The following WDR36 variants were observed in gnomAD, a reference collection of about 807,000 sequenced individuals.
WDR36 encodes the protein WD repeat-containing protein 36.
In WDR36, 63 loss-of-function variants were observed where a neutral mutation model predicts 112.7. The ratio of observed to expected loss-of-function variants is 0.56; its 90% CI spans 0.46 to 0.69. The LOEUF (loss-of-function observed/expected upper bound fraction) is 0.69. WDR36 is among the 30% of genes least tolerant of loss of function. The probability of loss-of-function intolerance (pLI) is 0.00; values close to 1 mark genes in which losing one functional copy is unlikely to be tolerated. For missense variants in WDR36, 1,226 were observed against 1,070.3 expected (o/e 1.15, Z -2.03); for synonymous variants, 410 against 362.2 (o/e 1.13, Z -1.50).
rs1286374402 is a variant in WDR36, at chr5:111,125,705, T to C, written c.2448T>C (p.Val816=). Residue 816 remains valine (V), a synonymous_variant, in exon 22 of 23, where the codon GTT becomes GTC. Coordinates refer to ENST00000513710, the MANE Select transcript of WDR36 (RefSeq NM_139281.3). The part of the protein sequence containing the change: ...LSPDCGGSIE[V]MQSFLKMIGM... The stretch of plus-strand genomic sequence containing the variant: ...CTGATTGTGGTGGGTCCATAGAAGT[T>C]ATGCAGAGCTTCTTGAAAATGATTG... 1 of 1,613,910 alleles carries C rather than the reference T, an allele frequency of 6.2e-7. No homozygotes were observed. The highest frequency in any genetic ancestry group is 2.2e-5 in the East Asian group (1 of 44,848).
At chr5:111,111,534 A>ATTTTTCTTATACTACCTTATGAAATATTT in intron 15 of WDR36, 2 of 404,874 alleles carry the variant, frequency 4.9e-6, no homozygotes, top group Non-Finnish European at 9.2e-6. Context: ...AGTATACTTT[A>ATTTTTCTTATACTACCTTATGAAATATTT]GAGAATGAAT....
Position 111,127,005 on chromosome 5 carries a change from A to AGCATTTATTT in WDR36, c.*122_*123insGCATTTATTT. 1.1e-6 allele frequency: 1 copy of AGCATTTATTT among 908,046 alleles called. No homozygotes were observed. Among genetic ancestry groups the AGCATTTATTT allele is most frequent in the Non-Finnish European group, 1.6e-6 (1 of 615,236 alleles). 56.2% of individuals were successfully genotyped at this position (908,046 alleles called of 1,614,324 possible). ...GCTAGCACTACTGACTAGTCAGTAT[A>AGCATTTATTT]TCTCCACTTTAAATGCTAAATACTT... On this transcript the variant is annotated 3_prime_UTR_variant, in exon 23 of 23. Coordinates refer to ENST00000513710, the MANE Select transcript of WDR36 (RefSeq NM_139281.3).
chr5:111,121,949 G>A (rs1753575899), intron 19 of WDR36, among the ~76,000 whole-genome samples: 1 of 152,138 alleles, frequency 6.6e-6, no homozygotes, highest in Non-Finnish European at 1.5e-5. Context: ...GTGGTAAAAA[G>A]TTTAAGAAAC....
chr5:111,118,168 C>CCTTATG (rs1197122841), intron 16 of WDR36, among the ~76,000 whole-genome samples: 3 of 152,174 alleles, frequency 2.0e-5, no homozygotes, highest in African/African-American at 7.2e-5. Flanking sequence ...TTGTATGCAG[C>CCTTATG]CTTATGCTTA....
Position 111,125,625 on chromosome 5 carries a change from C to T in WDR36, c.2368C>T (p.Leu790Phe), listed in dbSNP as rs149592590. The change falls in exon 22 of 23, where the codon CTT becomes TTT. Residue 790 changes from leucine to phenylalanine, a missense_variant. Coordinates refer to ENST00000513710, the MANE Select transcript of WDR36 (RefSeq NM_139281.3). ...VNNKYDTALN[L>F]LKESGPSGIE... is the part of the protein sequence containing the mutation. ...TAATGCAGATGACACTGCTCTCAAC[C>T]TTCTGAAAGAATCAGGCCCATCAGG... The T allele has an allele frequency of 6.5e-5, 105 of 1,613,458 alleles. No homozygotes were observed. Among genetic ancestry groups the T allele is most frequent in the Non-Finnish European group, 8.5e-5 (100 of 1,179,728 alleles).
Position 111,129,861 on chromosome 5 carries a change from A to G in WDR36, c.*2978A>G, listed in dbSNP as rs1753754335. On this transcript the variant is annotated 3_prime_UTR_variant, in exon 23 of 23. Transcript: ENST00000513710. ...TTCTGTGTGAGTAGTTAACATGTAG[A>G]TCTTTAGAATTGATTTTTCTGAAGA... is the stretch of plus-strand genomic sequence containing the variant. 9.6e-6 allele frequency: 2 copies of G among 208,106 alleles called. No homozygotes were observed. The highest frequency in any genetic ancestry group is 1.9e-4 in the South Asian group (1 of 5,324). 12.9% of individuals were successfully genotyped at this position (208,106 alleles called of 1,614,324 possible).
At position 111,110,266 on chromosome 5, in the gene WDR36, G is replaced by C. The variant is rs746917572; in HGVS notation, c.1404G>C (p.Gln468His). 7 of 1,610,880 alleles carry C rather than the reference G, an allele frequency of 4.3e-6. No individual in the cohort carries two copies. Among genetic ancestry groups the C allele is most frequent in the Non-Finnish European group, 8.5e-7 (1 of 1,177,708 alleles). The change falls in exon 13 of 23, where the codon CAG becomes CAC. Residue 468 changes from glutamine to histidine, a missense_variant. Transcript: ENST00000513710. ...GAACTGTAGATGTATATAACATGCAGTCTGGCATACATCGAGGAAGTTTTG... is the reference window on the plus strand; with the variant it reads ...GAACTGTAGATGTATATAACATGCACTCTGGCATACATCGAGGAAGTTTTG... ...SSGTVDVYNM[Q>H]SGIHRGSFGK...
At chr5:111,111,145 A>G in intron 14 of WDR36, 25 bp from the exon 15 acceptor site, 1 of 1,605,368 alleles carries the variant, frequency 6.2e-7, no homozygotes, top group Non-Finnish European at 8.5e-7. Flanking sequence ...TTTGTTTATT[A>G]AAACTGGTGC....
rs189490530 is a variant in WDR36 at position 111,100,831 on chromosome 5, G to A, written c.542+110G>A. The A allele has an allele frequency of 4.8e-3, 5,503 of 1,152,576 alleles. 16 individuals carry two copies. The highest frequency in any genetic ancestry group is 5.5e-3 in the Non-Finnish European group (4,506 of 816,026). The allele number at this position is 1,152,576 out of a possible 1,614,324, so 71.4% of individuals were successfully genotyped here. On this transcript the variant is annotated intron_variant, in intron 5 of 22. Coordinates refer to ENST00000513710, the MANE Select transcript of WDR36 (RefSeq NM_139281.3). Reference sequence around the variant, plus strand: ...CCTGCCCTTGTATATTTATTTGGAGGGTTGTCTATAAATAACAGTTGGTCC... The same window carrying A: ...CCTGCCCTTGTATATTTATTTGGAGAGTTGTCTATAAATAACAGTTGGTCC...
rs886059766 is a variant in WDR36, at chr5:111,125,802, C to CTAAT, written c.2538+8_2538+11dup. The CTAAT allele has an allele frequency of 1.2e-6, 2 of 1,613,550 alleles. No individual in the cohort carries two copies. The highest frequency in any genetic ancestry group is 2.7e-5 in the African/African-American group (2 of 74,982). ...CCTTGCATTGTTTCTAAAGGTAAGT[C>CTAAT]TAATGTAAGACAGTACTGCCCAGCT... On this transcript the variant is annotated splice_region_variant and intron_variant, in intron 22 of 22. Transcript: ENST00000513710.
Position 111,125,790 on chromosome 5 carries a change from C to A in WDR36, c.2533C>A (p.Leu845Ile). 1 of 1,613,658 alleles carries A rather than the reference C, an allele frequency of 6.2e-7. No homozygotes were observed. The highest frequency in any genetic ancestry group is 8.5e-7 in the Non-Finnish European group (1 of 1,179,714). The change falls in exon 22 of 23, where the codon CTA becomes ATA. Residue 845 changes from leucine (L) to isoleucine (I), a missense_variant. Transcript: ENST00000513710. The part of the protein sequence containing the change: ...ELAQAYLALF[L>I]KLHLKMLPSE... ...AGCCCAGGCATACCTTGCATTGTTT[C>A]TAAAGGTAAGTCTAATGTAAGACAG...
intron 19 of WDR36, among the ~76,000 whole-genome samples, 175 bp from the exon 20 acceptor site, chr5:111,123,630 A>T (rs571419741): frequency 2.2e-4 from 34 of 152,310 alleles, no homozygotes; most frequent in Admixed American, 5.9e-4. Flanking sequence ...GGGAAGCCCA[A>T]GTTAAGGATA....
In WDR36 at chr5:111,107,442, A is replaced by G. The variant is rs1753242518; in HGVS notation, c.1326+3A>G. 1 of 1,609,426 alleles carries G rather than the reference A, an allele frequency of 6.2e-7. No homozygotes were observed. On this transcript the variant is annotated splice_donor_region_variant and intron_variant, in intron 12 of 22. Transcript: ENST00000513710. ...AGAAAGATGACATAACTGCAACAGT[A>G]AGTGAGCTTGTTTATAAGAGTATCT...
Position 111,104,719 on chromosome 5 carries a change from C to G in WDR36, c.929C>G (p.Thr310Arg). 1 of 1,611,202 alleles carries G rather than the reference C, an allele frequency of 6.2e-7. No homozygotes were observed. Among genetic ancestry groups the G allele is most frequent in the Non-Finnish European group, 8.5e-7 (1 of 1,177,870 alleles). The change falls in exon 9 of 23, where the codon ACA becomes AGA. Residue 310 changes from threonine to arginine, a missense_variant. Physicochemically the swap from Thr to Arg is moderately conservative, Grantham distance 71. Coordinates refer to ENST00000513710, the MANE Select transcript of WDR36 (RefSeq NM_139281.3). ...ALRIWIFDGP[T>R]GEGRLLRFRM... ...CAGATATGGATATTTGATGGTCCTACAGGTGAAGGCCGACTTTTGAGATTC... is the reference window on the plus strand; with the variant it reads ...CAGATATGGATATTTGATGGTCCTAGAGGTGAAGGCCGACTTTTGAGATTC...
chr5:111,121,581 A>C (rs1753567668), intron 19 of WDR36, among the ~76,000 whole-genome samples: 1 of 152,162 alleles, frequency 6.6e-6, no homozygotes, highest in Non-Finnish European at 1.5e-5. Flanking sequence ...CCTGTCAACT[A>C]CTGAAAGATT....
intron 3 of WDR36, among the ~76,000 whole-genome samples, chr5:111,097,657 C>T (rs924759248): frequency 2.6e-5 from 4 of 152,338 alleles, no homozygotes; most frequent in African/African-American, 9.6e-5. Flanking sequence ...TCTATGTTTT[C>T]TCCACTGCTA....
chr5:111,098,693 T>A, intron 3 of WDR36, 29 bp from the exon 4 acceptor site: 1 of 1,350,788 alleles, frequency 7.4e-7, no homozygotes, highest in Non-Finnish European at 1.1e-6. Context: ...AGTAATAATA[T>A]GAAATTCTTT....
At chr5:111,105,255 TA>T in intron 9 of WDR36, 39 bp from the exon 10 acceptor site, 4 of 1,584,128 alleles carry the variant, frequency 2.5e-6, no homozygotes, top group Non-Finnish European at 3.5e-6. Flanking sequence ...TCCCTTGTTT[TA>T]ATGAAGCTTG....
At chr5:111,122,507 G>T (rs939045924) in intron 19 of WDR36, among the ~76,000 whole-genome samples, 1 of 152,036 alleles carries the variant, frequency 6.6e-6, no homozygotes, top group African/African-American at 2.4e-5. Context: ...AATTTCCAGG[G>T]CACTGTGGAG....
Sources: allele counts gnomAD v4.1 joint callset (sites outside exome capture counted in the v4.1 genomes callset), GRCh38; gene constraint gnomAD v4.1.1; transcripts MANE v1.5; gene names NCBI Gene and HGNC (gene_info 2026-07-23, HGNC 2026-07-21).